The following DLGAP2 variants were observed in gnomAD, a reference collection of about 807,000 sequenced individuals.
DLGAP2 encodes DLG associated protein 2.
In DLGAP2, 26 loss-of-function variants were observed where a neutral mutation model predicts 100.3. That is an observed-to-expected ratio of 0.26 (90% CI 0.19 to 0.36). The LOEUF (loss-of-function observed/expected upper bound fraction) is 0.36. Among genes scored for constraint, DLGAP2 ranks in the 10% least tolerant of loss-of-function variants. The pLI, the probability that DLGAP2 is intolerant of heterozygous loss-of-function variation, is 1.00. For synonymous variants in DLGAP2, 886 were observed against 630.1 expected, an observed-to-expected ratio of 1.41 and a Z score of -6.08; for missense variants, 1,858 against 1,453.2, an observed-to-expected ratio of 1.28 and a Z score of -4.53.
chr8:1,182,539 A>T (rs548280437), intron 2 of DLGAP2, among the ~76,000 whole-genome samples: 1 of 152,128 alleles, frequency 6.6e-6, no homozygotes, highest in East Asian at 1.9e-4. Context: ...TGTGATGTCT[A>T]TGTGAGATGC....
chr8:822,310 G>A (rs541839277), intron 1 of DLGAP2: 54 of 398,694 alleles, frequency 1.4e-4, no homozygotes, highest in Middle Eastern at 6.3e-4. Flanking sequence ...CAGGGGTGAC[G>A]GGGGCCTGGC....
chr8:1,368,209 C>G (rs1453432731), intron 3 of DLGAP2, among the ~76,000 whole-genome samples: 1 of 151,652 alleles, frequency 6.6e-6, no homozygotes, highest in Non-Finnish European at 1.5e-5. Context: ...CGTGTGTGTC[C>G]ATATATCTGT....
chr8:850,466 C>T (rs1797165007), intron 1 of DLGAP2, among the ~76,000 whole-genome samples: 1 of 152,070 alleles, frequency 6.6e-6, no homozygotes, highest in African/African-American at 2.4e-5. Flanking sequence ...TATTGTTTCA[C>T]AGAAAGCTTT....
intron 1 of DLGAP2, among the ~76,000 whole-genome samples, chr8:755,548 C>T (rs912194232): frequency 6.6e-6 from 1 of 152,208 alleles, no homozygotes; most frequent in Non-Finnish European, 1.5e-5. Context: ...GTGGGAGCAG[C>T]TGGAAGCCCA....
chr8:879,860 G>C (rs1283928087), intron 1 of DLGAP2, among the ~76,000 whole-genome samples: 1 of 152,110 alleles, frequency 6.6e-6, no homozygotes, highest in African/African-American at 2.4e-5. Context: ...ATTGTTACCT[G>C]GACTGTCTTC....
At chr8:1,483,697 G>GAGGCAGGTGCAGGACGTGGGGACCAGGA (rs1271561782) in intron 3 of DLGAP2, among the ~76,000 whole-genome samples, 2 of 151,528 alleles carry the variant, frequency 1.3e-5, no homozygotes, top group Non-Finnish European at 2.9e-5. Context: ...GGGGACCAGG[G>GAGGCAGGTGCAGGACGTGGGGACCAGGA]AGGCAGGTGC....
intron 2 of DLGAP2, among the ~76,000 whole-genome samples, chr8:982,683 G>A (rs941893360): frequency 6.6e-6 from 1 of 152,098 alleles, no homozygotes; most frequent in African/African-American, 2.4e-5. Flanking sequence ...CAAATTCTTG[G>A]ATTTGTGGTC....
chr8:1,530,703 G>A (rs190594830), intron 4 of DLGAP2, among the ~76,000 whole-genome samples: 10 of 152,344 alleles, frequency 6.6e-5, no homozygotes, highest in Admixed American at 1.3e-4. Context: ...ACTAATAAAT[G>A]TCCATGAAAT....
chr8:1,181,569 G>C (rs1482892163), intron 2 of DLGAP2, among the ~76,000 whole-genome samples: 1 of 151,906 alleles, frequency 6.6e-6, no homozygotes, highest in Non-Finnish European at 1.5e-5. Context: ...AGAGGATCAG[G>C]AATTAACTAA....
intron 7 of DLGAP2, among the ~76,000 whole-genome samples, chr8:1,629,275 C>T (rs1797586044): frequency 1.3e-5 from 2 of 152,214 alleles, no homozygotes; most frequent in African/African-American, 2.4e-5. Flanking sequence ...TACTCGGTTA[C>T]TTCTTTCCTT....
At chr8:1,075,357 CAGG>C (rs1803573528) in intron 2 of DLGAP2, among the ~76,000 whole-genome samples, 1 of 152,072 alleles carries the variant, frequency 6.6e-6, no homozygotes, top group African/African-American at 2.4e-5. Context: ...CTGGAATCCG[CAGG>C]AGGAGAACCG....
intron 4 of DLGAP2, among the ~76,000 whole-genome samples, chr8:1,533,383 G>A (rs967133064): frequency 6.6e-6 from 1 of 151,784 alleles, no homozygotes; most frequent in Non-Finnish European, 1.5e-5. Flanking sequence ...GCGGGCACCT[G>A]TAGTCCGAGC....
intron 2 of DLGAP2, among the ~76,000 whole-genome samples, chr8:1,022,330 C>T (rs990700895): frequency 2.7e-5 from 4 of 147,846 alleles, no homozygotes; most frequent in African/African-American, 5.0e-5. Context: ...TGGGAGTGGA[C>T]GGTCCCGTGC....
intron 1 of DLGAP2, among the ~76,000 whole-genome samples, chr8:769,092 C>G (rs1417355561): frequency 6.6e-6 from 1 of 152,066 alleles, no homozygotes; most frequent in Non-Finnish European, 1.5e-5. Flanking sequence ...AGCAGGTGGT[C>G]TGTCAGACTA....
chr8:1,483,343 C>A (rs1428107126), intron 3 of DLGAP2, among the ~76,000 whole-genome samples: 1 of 152,168 alleles, frequency 6.6e-6, no homozygotes, highest in Non-Finnish European at 1.5e-5. Flanking sequence ...GCTGGACGTG[C>A]GTGAGGCCGC....
intron 2 of DLGAP2, among the ~76,000 whole-genome samples, chr8:1,246,008 C>G (rs762957817): frequency 4.6e-5 from 7 of 152,172 alleles, no homozygotes; most frequent in Non-Finnish European, 8.8e-5. Context: ...CTTTCTACTT[C>G]TACACTCAAA....
At chr8:1,148,977 C>T (rs560748433) in intron 2 of DLGAP2, among the ~76,000 whole-genome samples, 28 of 152,156 alleles carry the variant, frequency 1.8e-4, no homozygotes, top group East Asian at 1.5e-3. Context: ...CTTATATTTT[C>T]GGATTAATTT....
chr8:943,931 G>C (rs1266289582), intron 2 of DLGAP2, among the ~76,000 whole-genome samples: 1 of 152,238 alleles, frequency 6.6e-6, no homozygotes, highest in Admixed American at 6.5e-5. Context: ...GATAAGATTT[G>C]AATCTGTCAG....
At chr8:1,684,071 T>C (rs1198645983) in intron 12 of DLGAP2, among the ~76,000 whole-genome samples, 1 of 149,216 alleles carries the variant, frequency 6.7e-6, no homozygotes, top group Non-Finnish European at 1.5e-5. Flanking sequence ...AACCTCTGCC[T>C]CCCAAGTTCA....
Sources: allele counts gnomAD v4.1 joint callset (sites outside exome capture counted in the v4.1 genomes callset), GRCh38; gene constraint gnomAD v4.1.1; transcripts MANE v1.5; gene names NCBI Gene and HGNC (gene_info 2026-07-23, HGNC 2026-07-21).